SPSB4: variants seen among roughly 807,000 people sequenced by gnomAD.
SPSB4 encodes SPRY domain-containing SOCS box protein 4.
Under a neutral mutation model 20.9 loss-of-function variants are expected in SPSB4, and 21 were observed. That is an observed-to-expected ratio of 1.01 (90% CI 0.71 to 1.45). SPSB4 has a LOEUF of 1.45. Ranked by LOEUF, SPSB4 falls within the 40% of genes most tolerant of loss-of-function variation. The probability of loss-of-function intolerance (pLI) is 0.00; values close to 1 mark genes in which losing one functional copy is unlikely to be tolerated. For synonymous variants in SPSB4, 207 were observed against 183.8 expected, an observed-to-expected ratio of 1.13 and a Z score of -1.02; for missense variants, 399 against 399.2, an observed-to-expected ratio of 1.00 and a Z score of 0.00.
intron 2 of SPSB4, among the ~76,000 whole-genome samples, chr3:141,124,881 C>T (rs1939026704): frequency 6.6e-6 from 1 of 152,118 alleles, no homozygotes; most frequent in South Asian, 2.1e-4. Flanking sequence ...GCTTCTGATG[C>T]AGTAGGTCAG....
At position 141,147,724 on chromosome 3, in the gene SPSB4, C is replaced by T. The variant is rs1018314872; in HGVS notation, c.*455C>T. ...TGAATAATGAATGATGAAAGCCTGA[C>T]GCCGTGCCCCTCCTGGCCCATACGC... On this transcript the variant is annotated 3_prime_UTR_variant, in exon 3 of 3. Transcript: ENST00000310546. The T allele has an allele frequency of 3.0e-5, 5 of 169,222 alleles. No homozygotes were observed. The highest frequency in any genetic ancestry group is 1.5e-4 in the East Asian group (1 of 6,610). 10.5% of individuals were successfully genotyped at this position (169,222 alleles called of 1,614,324 possible).
chr3:141,134,056 C>CTTTTTTTTTTTTTTTTTTTTTTTTTTTT (rs1222303281), intron 2 of SPSB4, among the ~76,000 whole-genome samples: 6 of 61,628 alleles, frequency 9.7e-5, no homozygotes, highest in Admixed American at 4.4e-4. Context: ...TTTCTTTTTT[C>CTTTTTTTTTTTTTTTTTTTTTTTTTTTT]TTTTTTTTTT....
At chr3:141,077,300 C>T (rs1938134818) in intron 2 of SPSB4, 1 of 152,218 alleles carries the variant, frequency 6.6e-6, no homozygotes, top group African/African-American at 2.4e-5. Flanking sequence ...TTCTCAGCGG[C>T]TGCTTTCTAT....
At chr3:141,131,559 C>T (rs1285587223) in intron 2 of SPSB4, among the ~76,000 whole-genome samples, 1 of 151,878 alleles carries the variant, frequency 6.6e-6, no homozygotes, top group Non-Finnish European at 1.5e-5. Context: ...CTAACTTCAT[C>T]ACCTTGCTTT....
At chr3:141,067,526 C>T (rs1937911826) in intron 2 of SPSB4, among the ~76,000 whole-genome samples, 2 of 152,248 alleles carry the variant, frequency 1.3e-5, no homozygotes, top group African/African-American at 2.4e-5. Context: ...ACAAAATACC[C>T]TTGCAGGCTA....
chr3:141,113,926 T>C (rs1394848927), intron 2 of SPSB4, among the ~76,000 whole-genome samples: 1 of 152,102 alleles, frequency 6.6e-6, no homozygotes, highest in Non-Finnish European at 1.5e-5. Context: ...GGAAACCCCA[T>C]CTCTACAAAA....
intron 2 of SPSB4, among the ~76,000 whole-genome samples, chr3:141,091,502 C>G (rs1019489667): frequency 1.3e-5 from 2 of 152,114 alleles, no homozygotes; most frequent in African/African-American, 4.8e-5. Context: ...TATTTTTGAC[C>G]GTCAAAACTG....
At chr3:141,145,632 G>A (rs1296211763) in intron 2 of SPSB4, among the ~76,000 whole-genome samples, 1 of 152,104 alleles carries the variant, frequency 6.6e-6, no homozygotes, top group African/African-American at 2.4e-5. Flanking sequence ...ATTATAGGAT[G>A]TTTATGAAAT....
chr3:141,078,138 C>T (rs2107785236), intron 2 of SPSB4, among the ~76,000 whole-genome samples: 2 of 152,322 alleles, frequency 1.3e-5, no homozygotes, highest in Middle Eastern at 3.4e-3. Flanking sequence ...GCAGAGGCTC[C>T]CACTAGCCCT....
At chr3:141,140,967 G>A (rs891887496) in intron 2 of SPSB4, among the ~76,000 whole-genome samples, 3 of 152,240 alleles carry the variant, frequency 2.0e-5, no homozygotes, top group African/African-American at 7.2e-5. Flanking sequence ...TTGAGCTGTG[G>A]TGGGCTCCAC....
chr3:141,094,131 G>T (rs1423182084), intron 2 of SPSB4, among the ~76,000 whole-genome samples: 1 of 152,164 alleles, frequency 6.6e-6, no homozygotes, highest in African/African-American at 2.4e-5. Flanking sequence ...GCCTGAGGTC[G>T]GCTGGGGCTC....
rs11713925 is a variant in SPSB4 at position 141,051,742 on chromosome 3, C to T, written c.-404C>T. The T allele has an allele frequency of 0.9, 136,618 of 152,254 alleles. 63,105 individuals are homozygous for T. Among genetic ancestry groups the T allele is most frequent in the Non-Finnish European group, 1 (68,017 of 68,110 alleles). The allele number at this position is 152,254 out of a possible 1,614,324, so 9.4% of individuals were successfully genotyped here. On this transcript the variant is annotated 5_prime_UTR_variant, in exon 1 of 3. Transcript: ENST00000310546. ...AGGCGCTTCCCCACTCCAGGCCCGA[C>T]CCCCGGCGCCTGAGCGCCAACTTCG...
intron 2 of SPSB4, among the ~76,000 whole-genome samples, chr3:141,133,856 AT>A (rs1175071516): frequency 6.6e-6 from 1 of 152,020 alleles, no homozygotes; most frequent in Non-Finnish European, 1.5e-5. Context: ...ATTGCATTGA[AT>A]TTGTAGATTG....
chr3:141,078,976 T>C (rs768914633), intron 2 of SPSB4, among the ~76,000 whole-genome samples: 21 of 152,140 alleles, frequency 1.4e-4, no homozygotes, highest in Non-Finnish European at 2.8e-4. Context: ...AAAAGCACAT[T>C]TGGGGCCGGG....
At chr3:141,107,947 T>G (rs1436538642) in intron 2 of SPSB4, among the ~76,000 whole-genome samples, 5 of 150,300 alleles carry the variant, frequency 3.3e-5, no homozygotes, top group South Asian at 2.1e-4. Flanking sequence ...AGAGCGAGAC[T>G]CTGTCTTAAA....
At chr3:141,082,405 T>G (rs992285280) in intron 2 of SPSB4, among the ~76,000 whole-genome samples, 7 of 152,188 alleles carry the variant, frequency 4.6e-5, no homozygotes, top group African/African-American at 1.7e-4. Context: ...ATGGATTGTC[T>G]GCTACACTCT....
chr3:141,078,537 G>A (rs1576521569), intron 2 of SPSB4, among the ~76,000 whole-genome samples: 1 of 152,312 alleles, frequency 6.6e-6, no homozygotes, highest in South Asian at 2.1e-4. Flanking sequence ...GAACAAGCTT[G>A]GGGGACCTGA....
At chr3:141,102,068 T>C in intron 2 of SPSB4, among the ~76,000 whole-genome samples, 1 of 152,250 alleles carries the variant, frequency 6.6e-6, no homozygotes, top group African/African-American at 2.4e-5. Flanking sequence ...CATGCTTTCA[T>C]TGATTCATTC....
intron 1 of SPSB4, among the ~76,000 whole-genome samples, chr3:141,063,630 T>G (rs1292481499): frequency 1.3e-5 from 2 of 152,234 alleles, no homozygotes; most frequent in Admixed American, 6.5e-5. Context: ...TTGGTTCCCA[T>G]TTTTATCTGC....
Sources: allele counts gnomAD v4.1 joint callset (sites outside exome capture counted in the v4.1 genomes callset), GRCh38; gene constraint gnomAD v4.1.1; transcripts MANE v1.5; gene names NCBI Gene and HGNC (gene_info 2026-07-23, HGNC 2026-07-21).